Variants in ITGA1 observed in about 807,000 individuals in gnomAD.
The protein encoded by ITGA1 is integrin subunit alpha 1.
ITGA1 carries 85 observed loss-of-function variants against 145.9 expected under a neutral mutation model. The observed-to-expected ratio is 0.58, with a 90% CI of 0.49 to 0.70. ITGA1 has a LOEUF of 0.70. ITGA1 is among the 30% of genes least tolerant of loss of function. The probability of loss-of-function intolerance (pLI) is 0.00; values close to 1 mark genes in which losing one functional copy is unlikely to be tolerated. For missense variants in ITGA1, 1,351 were observed against 1,418.7 expected (o/e 0.95, Z 0.77); for synonymous variants, 520 against 495.3 (o/e 1.05, Z -0.66).
chr5:52,809,296 G>A (rs538726886), intron 1 of ITGA1, among the ~76,000 whole-genome samples: 14 of 152,216 alleles, frequency 9.2e-5, no homozygotes, highest in Admixed American at 2.6e-4. Flanking sequence ...AATGGGGAAC[G>A]AATGGTAAAG....
intron 9 of ITGA1, among the ~76,000 whole-genome samples, chr5:52,896,018 G>T (rs1160270705): frequency 6.6e-6 from 1 of 152,150 alleles, no homozygotes; most frequent in Non-Finnish European, 1.5e-5. Context: ...AGTATGCCAA[G>T]GACTTGCTTA....
chr5:52,858,765 G>C (rs934870275), intron 2 of ITGA1, among the ~76,000 whole-genome samples: 2 of 152,062 alleles, frequency 1.3e-5, no homozygotes, highest in African/African-American at 4.8e-5. Context: ...GATGTTAGTT[G>C]TTTATTCATC....
rs1751250661 is a variant in ITGA1, at chr5:52,953,136, T to A, written c.*685T>A. The A allele has an allele frequency of 6.6e-6, 1 of 152,194 alleles. No individual in the cohort carries two copies. The highest frequency in any genetic ancestry group is 2.4e-5 in the African/African-American group (1 of 41,452). The allele number at this position is 152,194 out of a possible 1,614,324, so 9.4% of individuals were successfully genotyped here. A position where few individuals can be genotyped will look rare whatever the true frequency, so the allele number is the denominator to read the frequency against. ...CTCGTTTAAAAACAAGTATATTAAA[T>A]GGGTTAAATTAAGCTTTTACAGAAC... On this transcript the variant is annotated 3_prime_UTR_variant, in exon 29 of 29. Transcript: ENST00000282588.
intron 1 of ITGA1, among the ~76,000 whole-genome samples, chr5:52,827,894 C>T (rs1011887393): frequency 6.6e-6 from 1 of 152,172 alleles, no homozygotes; most frequent in Non-Finnish European, 1.5e-5. Flanking sequence ...TTTATATGCA[C>T]TGGAAGACCA....
rs1347077832 is a variant in ITGA1, at chr5:52,911,541, C to T, written c.1857+1122C>T. 1.5e-4 allele frequency among the ~76,000 whole-genome samples: 16 copies of T among 103,638 alleles called. 1 individual carries two copies. Among genetic ancestry groups the T allele is most frequent in the African/African-American group, 3.1e-4 (8 of 25,592 alleles). The allele number at this position is 103,638 out of a possible 152,430, so 68.0% of individuals were successfully genotyped here. A position where few individuals can be genotyped will look rare whatever the true frequency, so the allele number is the denominator to read the frequency against. ...AGTATATATATCTATATATTAGATA[C>T]ATATACTATATATAGTGTATCTACT... On this transcript the variant is annotated intron_variant, in intron 14 of 28. Transcript: ENST00000282588.
intron 1 of ITGA1, among the ~76,000 whole-genome samples, chr5:52,811,787 A>T (rs561723048): frequency 6.6e-6 from 1 of 152,108 alleles, no homozygotes; most frequent in Non-Finnish European, 1.5e-5. Context: ...TCTTCTATCA[A>T]CTTTGCTCAC....
chr5:52,829,925 T>C (rs1459793702), intron 1 of ITGA1, among the ~76,000 whole-genome samples: 1 of 152,194 alleles, frequency 6.6e-6, no homozygotes, highest in East Asian at 1.9e-4. Flanking sequence ...ATAAAAGGAA[T>C]ATTATGCTTA....
chr5:52,914,621 C>G (rs951879633), intron 14 of ITGA1, among the ~76,000 whole-genome samples: 1 of 150,778 alleles, frequency 6.6e-6, no homozygotes, highest in African/African-American at 2.4e-5. Context: ...GGGGGAAATA[C>G]TTTCAAACGA....
chr5:52,801,729 T>C (rs1177715073), intron 1 of ITGA1: 3 of 1,614,026 alleles, frequency 1.9e-6, no homozygotes, highest in Non-Finnish European at 2.5e-6. Flanking sequence ...TCTCTAGTCT[T>C]CACGTTTCTG....
At chr5:52,823,946 C>T (rs1164122048) in intron 1 of ITGA1, among the ~76,000 whole-genome samples, 1 of 152,148 alleles carries the variant, frequency 6.6e-6, no homozygotes, top group African/African-American at 2.4e-5. Context: ...TACGGAATAT[C>T]ATTAGCACAT....
At chr5:52,923,017 A>AC (rs1750753462) in intron 18 of ITGA1, 130 bp downstream of exon 18, 2 of 604,198 alleles carry the variant, frequency 3.3e-6, no homozygotes, top group Non-Finnish European at 5.8e-6. Context: ...AAGAAAAAAA[A>AC]GGCAAGCAGA....
Position 52,910,240 on chromosome 5 carries a change from A to G in ITGA1, c.1678A>G (p.Thr560Ala). ...ATCTCGGCAGCACAATTCATGCACA[A>G]CAGAAAACAAAAATGAGCCATGCGG... ...CSSRQHNSCT[T>A]ENKNEPCGAR... Residue 560 changes from threonine (T) to alanine (A), a missense_variant, in exon 14 of 29, where the codon ACA becomes GCA. By Grantham distance (58) the Thr-to-Ala change is moderately conservative. Transcript: ENST00000282588. 2 of 1,614,022 alleles carry G rather than the reference A, an allele frequency of 1.2e-6. No individual in the cohort carries two copies. The highest frequency in any genetic ancestry group is 2.2e-5 in the East Asian group (1 of 44,880).
intron 2 of ITGA1, among the ~76,000 whole-genome samples, chr5:52,855,777 C>T (rs1457275682): frequency 6.6e-6 from 1 of 152,022 alleles, no homozygotes; most frequent in East Asian, 1.9e-4. Context: ...GTGAGGCTTC[C>T]TTAGGATTCA....
intron 11 of ITGA1, among the ~76,000 whole-genome samples, chr5:52,899,195 G>C (rs1386975546): frequency 6.6e-6 from 1 of 152,120 alleles, no homozygotes; most frequent in Non-Finnish European, 1.5e-5. Context: ...ACATACCTTG[G>C]CCTGGAAGCA....
chr5:52,859,742 T>C (rs1051310107), intron 2 of ITGA1, among the ~76,000 whole-genome samples: 1 of 152,218 alleles, frequency 6.6e-6, no homozygotes, highest in Non-Finnish European at 1.5e-5. Context: ...CAGCATCTTT[T>C]GTCTGACAAA....
intron 26 of ITGA1, among the ~76,000 whole-genome samples, chr5:52,943,693 A>G (rs576383967): frequency 1.2e-3 from 183 of 152,216 alleles, no homozygotes; most frequent in Admixed American, 5.2e-3. Context: ...AGCCCTGTGG[A>G]GGGAGTCATG....
Position 52,864,822 on chromosome 5 carries a change from T to G in ITGA1, c.355T>G (p.Leu119Val). The G allele has an allele frequency of 6.2e-7, 1 of 1,612,122 alleles. No homozygotes were observed. Among genetic ancestry groups the G allele is most frequent in the Non-Finnish European group, 8.5e-7 (1 of 1,178,406 alleles). ...GGAGAACATGACATTTGGATCAACT[T>G]TAGTCACCAACCCAAATGGAGGATT... ...VKENMTFGST[L>V]VTNPNGGFLA... is the part of the protein sequence containing the mutation. The change falls in exon 4 of 29, where the codon TTA becomes GTA. Residue 119 changes from leucine to valine, a missense_variant. Physicochemically the swap from Leu to Val is conservative, Grantham distance 32. Coordinates refer to ENST00000282588, the MANE Select transcript of ITGA1 (RefSeq NM_181501.2).
intron 23 of ITGA1, among the ~76,000 whole-genome samples, chr5:52,934,205 G>C (rs994802308): frequency 2.0e-5 from 3 of 149,850 alleles, no homozygotes; most frequent in African/African-American, 7.3e-5. Context: ...TTTCACTGAA[G>C]ATTTAAATTT....
chr5:52,935,079 C>T (rs1750946299), intron 23 of ITGA1, among the ~76,000 whole-genome samples: 2 of 151,938 alleles, frequency 1.3e-5, no homozygotes, highest in African/African-American at 4.8e-5. Context: ...TATATTGTAA[C>T]TTATTAGGGT....
Sources: allele counts gnomAD v4.1 joint callset (sites outside exome capture counted in the v4.1 genomes callset), GRCh38; gene constraint gnomAD v4.1.1; transcripts MANE v1.5; gene names NCBI Gene and HGNC (gene_info 2026-07-23, HGNC 2026-07-21).